APP: variants seen among roughly 807,000 people sequenced by gnomAD.
The protein encoded by APP is amyloid-beta precursor protein.
A neutral mutation model predicts 101.4 loss-of-function variants in APP; 31 were observed. The observed-to-expected ratio is 0.31, with a 90% CI of 0.23 to 0.41. APP has a LOEUF of 0.41. Ranked by LOEUF, APP falls within the 10% of genes least tolerant of loss-of-function variation. The pLI is 1.00. For synonymous variants in APP, 366 were observed against 364.4 expected (o/e 1.00, Z -0.05); for missense variants, 839 against 1,003.7 (o/e 0.84, Z 2.22).
chr21:26,086,167 C>T (rs1225380798), intron 3 of APP, among the ~76,000 whole-genome samples: 1 of 152,162 alleles, frequency 6.6e-6, no homozygotes, highest in Admixed American at 6.5e-5. Flanking sequence ...CCTTGAGTAA[C>T]AGTAATGATG....
At chr21:25,966,168 A>T (rs1460999805) in intron 11 of APP, among the ~76,000 whole-genome samples, 1 of 152,232 alleles carries the variant, frequency 6.6e-6, no homozygotes, top group South Asian at 2.1e-4. Context: ...CGAACTTGGT[A>T]AACATTCAGA....
intron 5 of APP, among the ~76,000 whole-genome samples, chr21:26,027,832 GC>G (rs1363636948): frequency 1.6e-5 from 2 of 128,450 alleles, no homozygotes; most frequent in African/African-American, 6.5e-5. Context: ...AAAGGCATAA[GC>G]CCACCTGGGG....
intron 13 of APP, among the ~76,000 whole-genome samples, chr21:25,947,634 G>A (rs369129234): frequency 1.3e-5 from 2 of 152,146 alleles, no homozygotes; most frequent in African/African-American, 4.8e-5. Flanking sequence ...TAACACTAGG[G>A]AAAATATGAA....
At chr21:26,077,930 A>G (rs1198586661) in intron 3 of APP, among the ~76,000 whole-genome samples, 2 of 152,212 alleles carry the variant, frequency 1.3e-5, no homozygotes, top group Non-Finnish European at 2.9e-5. Context: ...TTCACTGAAC[A>G]CTGAAACAAA....
chr21:25,892,145 G>A (rs567117927), intron 16 of APP, among the ~76,000 whole-genome samples: 2 of 63,234 alleles, frequency 3.2e-5, no homozygotes, highest in East Asian at 3.0e-4. Context: ...CCAGTTCGAG[G>A]AAGTCTACTT....
Position 25,881,279 on chromosome 21 carries a change from C to T in APP, c.*391G>A, listed in dbSNP as rs1383278900. The T allele has an allele frequency of 1.5e-4, 41 of 268,198 alleles. No homozygotes were observed. In the Admixed American group the frequency reaches 2.0e-3, roughly 13 times the overall value. 16.6% of individuals were successfully genotyped at this position (268,198 alleles called of 1,614,324 possible). ...TCCCACGTTCACATGAAGCATCCCC[C>T]ATCGATTCTTAAAGCATATGTAAAG... On this transcript the variant is annotated 3_prime_UTR_variant, in exon 18 of 18. Transcript: ENST00000346798.
At chr21:26,031,616 C>T (rs538735315) in intron 5 of APP, among the ~76,000 whole-genome samples, 105 of 152,188 alleles carry the variant, frequency 6.9e-4, no homozygotes, top group African/African-American at 2.3e-3. Context: ...AGCAGAAACC[C>T]CTGATAAACC....
intron 13 of APP, among the ~76,000 whole-genome samples, chr21:25,953,461 G>A (rs1043337766): frequency 2.0e-5 from 3 of 152,174 alleles, no homozygotes; most frequent in African/African-American, 4.8e-5. Flanking sequence ...CTTCAAAGTC[G>A]GACTTACTGT....
At chr21:26,050,423 G>A (rs983285371) in intron 5 of APP, among the ~76,000 whole-genome samples, 2 of 152,006 alleles carry the variant, frequency 1.3e-5, no homozygotes, top group African/African-American at 4.8e-5. Flanking sequence ...AAGAAGTAAC[G>A]GGACTAAGCT....
chr21:25,938,113 A>G, intron 13 of APP, among the ~76,000 whole-genome samples: 1 of 152,182 alleles, frequency 6.6e-6, no homozygotes, highest in African/African-American at 2.4e-5. Flanking sequence ...GTTAATGGAC[A>G]TTAATAAGCA....
chr21:25,981,485 A>G (rs911729106), intron 9 of APP, among the ~76,000 whole-genome samples: 2 of 152,206 alleles, frequency 1.3e-5, no homozygotes, highest in African/African-American at 2.4e-5. Flanking sequence ...CTGGAAAATA[A>G]TAAGTCCATA....
intron 2 of APP, among the ~76,000 whole-genome samples, chr21:26,103,613 GA>G (rs907136061): frequency 9.9e-5 from 15 of 151,804 alleles, no homozygotes; most frequent in African/African-American, 3.4e-4. Flanking sequence ...AAAAGAAAAA[GA>G]AAAAAAAGAA....
At chr21:25,917,987 A>T (rs189012770) in intron 13 of APP, among the ~76,000 whole-genome samples, 2 of 152,108 alleles carry the variant, frequency 1.3e-5, no homozygotes, top group Non-Finnish European at 2.9e-5. Context: ...ATGAGATACC[A>T]TCTCACACCA....
At chr21:25,883,417 C>T (rs554061104) in intron 17 of APP, among the ~76,000 whole-genome samples, 1 of 150,242 alleles carries the variant, frequency 6.7e-6, no homozygotes, top group South Asian at 2.1e-4. Flanking sequence ...AAAAAAAAGG[C>T]CAGGTGAGGT....
chr21:26,161,452 T>C (rs944863433), intron 1 of APP, among the ~76,000 whole-genome samples: 3 of 152,180 alleles, frequency 2.0e-5, no homozygotes, highest in Non-Finnish European at 4.4e-5. Flanking sequence ...TCCTTCCTCC[T>C]TTTTATTCTG....
intron 3 of APP, among the ~76,000 whole-genome samples, chr21:26,082,280 T>A (rs1464044378): frequency 1.3e-5 from 2 of 152,206 alleles, no homozygotes; most frequent in Non-Finnish European, 2.9e-5. Flanking sequence ...CTTTCTTTGA[T>A]ATGTTAAATG....
intron 5 of APP, among the ~76,000 whole-genome samples, chr21:26,027,320 C>T (rs974900105): frequency 6.6e-6 from 1 of 152,124 alleles, no homozygotes; most frequent in African/African-American, 2.4e-5. Context: ...AGAGAAAATA[C>T]AGTAGTTTTT....
chr21:26,065,887 A>C (rs933397721), intron 3 of APP, among the ~76,000 whole-genome samples: 2 of 152,216 alleles, frequency 1.3e-5, no homozygotes, highest in Non-Finnish European at 2.9e-5. Flanking sequence ...ATAGTTGTTA[A>C]AGCTTTCCAG....
chr21:25,990,888 C>T (rs536350359), intron 8 of APP, among the ~76,000 whole-genome samples: 4 of 152,324 alleles, frequency 2.6e-5, no homozygotes, highest in African/African-American at 9.6e-5. Flanking sequence ...AACTGCTGCA[C>T]AGTTCACAAC....
Sources: gnomAD v4.1 joint callset for allele counts (sites outside exome capture counted in the v4.1 genomes callset) on GRCh38, gnomAD v4.1.1 for gene constraint, MANE v1.5 for transcripts, NCBI Gene and HGNC (gene_info 2026-07-23, HGNC 2026-07-21) for gene names.